PTPRN2: variants seen among roughly 807,000 people sequenced by gnomAD.
The protein encoded by PTPRN2 is protein tyrosine phosphatase receptor type N2, also known as receptor-type tyrosine-protein phosphatase N2.
PTPRN2 carries 74 observed loss-of-function variants against 118.8 expected under a neutral mutation model. The observed-to-expected ratio is 0.62, with a 90% CI of 0.52 to 0.76. PTPRN2 has a LOEUF of 0.76. PTPRN2 is among the 30% of genes least tolerant of loss of function. PTPRN2 has a pLI of 0.00. For synonymous variants in PTPRN2, 641 were observed against 608.0 expected (o/e 1.05, Z -0.80); for missense variants, 1,481 against 1,394.4 (o/e 1.06, Z -0.99).
intron 6 of PTPRN2, among the ~76,000 whole-genome samples, chr7:158,150,328 A>C (rs1465039288): frequency 6.6e-6 from 1 of 152,226 alleles, no homozygotes; most frequent in African/African-American, 2.4e-5. Context: ...GCTGACAAGC[A>C]TGTTCCATTT....
chr7:157,980,830 C>T (rs960764813), intron 11 of PTPRN2, among the ~76,000 whole-genome samples: 5 of 152,198 alleles, frequency 3.3e-5, no homozygotes, highest in Admixed American at 2.0e-4. Flanking sequence ...AGTAGGCAGA[C>T]GCTCCTCCCT....
intron 12 of PTPRN2, among the ~76,000 whole-genome samples, chr7:157,849,800 GACC>G (rs1395510289): frequency 6.6e-6 from 1 of 152,142 alleles, no homozygotes. Flanking sequence ...CTCACTCAGT[GACC>G]ACATCTAAGC....
At chr7:157,703,752 TC>T (rs758054781) in intron 12 of PTPRN2, among the ~76,000 whole-genome samples, 4 of 152,094 alleles carry the variant, frequency 2.6e-5, no homozygotes, top group African/African-American at 7.2e-5. Flanking sequence ...CGGCCGCTTG[TC>T]CTCTGCCGCT....
chr7:157,784,320 C>T lies in PTPRN2; in HGVS notation c.1789-101383G>A, dbSNP rs752083268. Reference sequence around the variant, plus strand: ...TGGGGTCTCAGCATCTGCACAGTGACGGATTAGGGGGGCGGTTCAGCAGCC... The same window carrying T: ...TGGGGTCTCAGCATCTGCACAGTGATGGATTAGGGGGGCGGTTCAGCAGCC... On this transcript the variant is annotated intron_variant, in intron 12 of 22. Coordinates refer to ENST00000389418, the MANE Select transcript of PTPRN2 (RefSeq NM_002847.5). The surrounding 1 kb of genome is among the most constrained non-coding windows in gnomAD (Gnocchi z 4.6). 2.0e-5 allele frequency among the ~76,000 whole-genome samples: 3 copies of T among 152,110 alleles called. No homozygotes were observed. The highest frequency in any genetic ancestry group is 1.9e-4 in the East Asian group (1 of 5,172).
At chr7:157,549,112 G>C in intron 21 of PTPRN2, 93 bp from the exon 22 acceptor site, 1 of 1,239,254 alleles carries the variant, frequency 8.1e-7, no homozygotes, top group Non-Finnish European at 1.2e-6. Context: ...CCTCTGGGCT[G>C]AGAGGCCAAT....
chr7:158,578,923 C>A (rs989633761), intron 1 of PTPRN2, among the ~76,000 whole-genome samples: 1 of 152,076 alleles, frequency 6.6e-6, no homozygotes, highest in Non-Finnish European at 1.5e-5. Context: ...CCACTACAAC[C>A]AGCTAATTTT....
intron 11 of PTPRN2, among the ~76,000 whole-genome samples, chr7:158,062,566 G>A (rs1810426740): frequency 6.6e-6 from 1 of 151,924 alleles, no homozygotes; most frequent in South Asian, 2.1e-4. Context: ...GTGGGGAGGT[G>A]TGGAGGGAGA....
At chr7:157,669,467 C>T (rs1392201199) in intron 13 of PTPRN2, 4 of 461,368 alleles carry the variant, frequency 8.7e-6, no homozygotes, top group East Asian at 6.9e-5. Flanking sequence ...CTGACAGCAG[C>T]GCCCAAGCCA....
chr7:158,149,357 A>G (rs1820664617), intron 6 of PTPRN2, among the ~76,000 whole-genome samples: 1 of 152,198 alleles, frequency 6.6e-6, no homozygotes, highest in East Asian at 1.9e-4. Context: ...AACTACATTG[A>G]CATAAACTTA....
intron 12 of PTPRN2, among the ~76,000 whole-genome samples, chr7:157,773,011 A>G (rs1028170329): frequency 9.9e-5 from 15 of 152,164 alleles, no homozygotes; most frequent in Admixed American, 3.3e-4. Flanking sequence ...GGGCAGTGAT[A>G]CAACCAGCTT....
At chr7:158,317,599 CA>C (rs1167049635) in intron 2 of PTPRN2, among the ~76,000 whole-genome samples, 1 of 152,242 alleles carries the variant, frequency 6.6e-6, no homozygotes. Context: ...GCGAATTGTT[CA>C]CTTTGAGACA....
chr7:158,471,926 T>C (rs1819886188), intron 2 of PTPRN2, among the ~76,000 whole-genome samples: 1 of 152,156 alleles, frequency 6.6e-6, no homozygotes, highest in Admixed American at 6.5e-5. Flanking sequence ...AGAGAAGACA[T>C]GGGACAGCCA....
chr7:158,183,666 C>T (rs1211546168), intron 5 of PTPRN2, among the ~76,000 whole-genome samples: 1 of 152,234 alleles, frequency 6.6e-6, no homozygotes, highest in Admixed American at 6.5e-5. Flanking sequence ...AGTTCCAGGA[C>T]TTGGTAGGGT....
chr7:157,743,144 C>G (rs986390489), intron 12 of PTPRN2, among the ~76,000 whole-genome samples: 3 of 152,210 alleles, frequency 2.0e-5, no homozygotes, highest in African/African-American at 7.2e-5. Context: ...CTGCATCTGA[C>G]TTCTGGAGAG....
chr7:158,164,686 A>G (rs1822766182), intron 6 of PTPRN2, among the ~76,000 whole-genome samples: 1 of 152,132 alleles, frequency 6.6e-6, no homozygotes, highest in Non-Finnish European at 1.5e-5. Context: ...AATAATGAGG[A>G]CAGAGGTGAA....
At chr7:158,523,676 A>T (rs1298729499) in intron 1 of PTPRN2, among the ~76,000 whole-genome samples, 2 of 141,924 alleles carry the variant, frequency 1.4e-5, no homozygotes. Context: ...TCTGCCCTGG[A>T]GCGGAGTCGT....
At chr7:158,579,735 CTCTT>C (rs768667270) in intron 1 of PTPRN2, among the ~76,000 whole-genome samples, 7 of 152,238 alleles carry the variant, frequency 4.6e-5, no homozygotes, top group Non-Finnish European at 8.8e-5. Context: ...TGCTAGAATC[CTCTT>C]TCTATTTCAG....
intron 3 of PTPRN2, among the ~76,000 whole-genome samples, chr7:158,313,684 A>G (rs971968580): frequency 5.3e-5 from 8 of 152,264 alleles, no homozygotes; most frequent in African/African-American, 1.9e-4. Context: ...AACAGGTGCC[A>G]GGAATGTGGA....
chr7:157,991,113 G>A (rs1276534526), intron 11 of PTPRN2, among the ~76,000 whole-genome samples: 3 of 152,152 alleles, frequency 2.0e-5, no homozygotes, highest in African/African-American at 4.8e-5. Context: ...ATATGCTCCA[G>A]CCTGTCACAA....
Sources: gnomAD v4.1 joint callset for allele counts (sites outside exome capture counted in the v4.1 genomes callset) on GRCh38, gnomAD v4.1.1 for gene constraint, Gnocchi (gnomAD v3.1) non-coding constraint, MANE v1.5 for transcripts, NCBI Gene and HGNC (gene_info 2026-07-23, HGNC 2026-07-21) for gene names.